The following PRKN variants were observed in gnomAD, a reference collection of about 807,000 sequenced individuals.
PRKN encodes parkin RBR E3 ubiquitin protein ligase.
A neutral mutation model predicts 59.5 loss-of-function variants in PRKN; 56 were observed. The observed-to-expected ratio is 0.94, with a 90% confidence interval of 0.76 to 1.18. The LOEUF (loss-of-function observed/expected upper bound fraction) is 1.18. Ranked by LOEUF, PRKN falls within the 50% of genes most tolerant of loss-of-function variation. The pLI, the probability that PRKN is intolerant of heterozygous loss-of-function variation, is 0.00. For missense variants in PRKN, 657 were observed against 596.4 expected (o/e 1.10, Z -1.06); for synonymous variants, 250 against 222.1 (o/e 1.13, Z -1.12).
intron 7 of PRKN, among the ~76,000 whole-genome samples, chr6:161,752,815 G>T (rs953353059): frequency 6.6e-6 from 1 of 152,182 alleles, no homozygotes; most frequent in Non-Finnish European, 1.5e-5. Flanking sequence ...GATACTAGAG[G>T]CTTGGACTAG....
At chr6:161,800,264 A>G (rs9295167) in intron 6 of PRKN, among the ~76,000 whole-genome samples, 4,979 of 152,208 alleles carry the variant, frequency 0.033, 277 homozygotes, top group African/African-American at 0.11. Flanking sequence ...TGTTTGGGGC[A>G]ATCGAGTGCT....
intron 4 of PRKN, among the ~76,000 whole-genome samples, chr6:162,157,071 C>A (rs1193293439): frequency 6.6e-6 from 1 of 151,884 alleles, no homozygotes; most frequent in Non-Finnish European, 1.5e-5. Context: ...TATTTTTAAT[C>A]CTCTTGATAC....
At chr6:162,283,233 A>C (rs1439791005) in intron 2 of PRKN, among the ~76,000 whole-genome samples, 1 of 152,196 alleles carries the variant, frequency 6.6e-6, no homozygotes, top group African/African-American at 2.4e-5. Flanking sequence ...TTTTGAGAAA[A>C]GAAAAATATA....
At chr6:162,190,530 T>A (rs187486205) in intron 4 of PRKN, among the ~76,000 whole-genome samples, 2 of 152,324 alleles carry the variant, frequency 1.3e-5, no homozygotes, top group Admixed American at 1.3e-4. Context: ...TCTCGCCGGG[T>A]GACCCAAGTA....
At chr6:161,614,977 G>C (rs991858269) in intron 7 of PRKN, among the ~76,000 whole-genome samples, 1 of 133,808 alleles carries the variant, frequency 7.5e-6, no homozygotes, top group Non-Finnish European at 1.8e-5. Flanking sequence ...GAGAGAGAGA[G>C]AGAGAGAGAG....
At chr6:161,899,499 G>A (rs1292822481) in intron 6 of PRKN, among the ~76,000 whole-genome samples, 1 of 152,174 alleles carries the variant, frequency 6.6e-6, no homozygotes, top group African/African-American at 2.4e-5. Context: ...AGCCACAGGT[G>A]AAGGGTGTTC....
chr6:162,037,543 G>T (rs1261567611), intron 5 of PRKN, among the ~76,000 whole-genome samples: 1 of 150,284 alleles, frequency 6.7e-6, no homozygotes, highest in African/African-American at 2.4e-5. Context: ...TTTACCCTCT[G>T]CTTTTTTTTT....
intron 1 of PRKN, among the ~76,000 whole-genome samples, chr6:162,519,867 T>C (rs1778016542): frequency 6.6e-6 from 1 of 152,222 alleles, no homozygotes; most frequent in Non-Finnish European, 1.5e-5. Context: ...AAACTATTCA[T>C]GATTTAGATT....
At chr6:161,959,797 A>T (rs1167582589) in intron 6 of PRKN, among the ~76,000 whole-genome samples, 1 of 152,208 alleles carries the variant, frequency 6.6e-6, no homozygotes, top group Admixed American at 6.5e-5. Context: ...TAAAATTTTC[A>T]AAGTGTGTTC....
rs1784427607 is a variant in PRKN at position 161,349,096 on chromosome 6, G to C, written c.*1003C>G. ...AGAGAGTCGGGCGTGTCTTCATTTTGGTAGTTCTGGAAAGGCTCCTCTTTA... is the reference window on the plus strand; with the variant it reads ...AGAGAGTCGGGCGTGTCTTCATTTTCGTAGTTCTGGAAAGGCTCCTCTTTA... On this transcript the variant is annotated 3_prime_UTR_variant, in exon 12 of 12. Transcript: ENST00000366898. This position sits in a 1 kb window ranked among gnomAD's most constrained non-coding sequence, Gnocchi z 5.5. The C allele has an allele frequency of 1.8e-5, 4 of 221,842 alleles. No individual in the cohort carries two copies. The highest frequency in any genetic ancestry group is 1.7e-4 in the Admixed American group (3 of 17,344). 13.7% of individuals were successfully genotyped at this position (221,842 alleles called of 1,614,324 possible). A position where few individuals can be genotyped will look rare whatever the true frequency, so the allele number is the denominator to read the frequency against.
chr6:162,051,008 ATG>A (rs373651681), intron 5 of PRKN, among the ~76,000 whole-genome samples: 36 of 152,256 alleles, frequency 2.4e-4, no homozygotes, highest in East Asian at 1.9e-3. Flanking sequence ...CAAGTCCCAT[ATG>A]TGTTAGGAGT....
chr6:162,011,666 T>C (rs1314973762), intron 5 of PRKN, among the ~76,000 whole-genome samples: 1 of 149,266 alleles, frequency 6.7e-6, no homozygotes, highest in Non-Finnish European at 1.5e-5. Flanking sequence ...TTGATAGCGG[T>C]GTTTGTTCCA....
chr6:162,171,217 C>T lies in PRKN; in HGVS notation c.534+29914G>A, dbSNP rs77842838. On this transcript the variant is annotated intron_variant, in intron 4 of 11. Transcript: ENST00000366898. ...TGAGGATGGTGCACACAGAAAAAAACGTAGGGTCATGGAGAAACTGGAAGG... is the reference window on the plus strand; with the variant it reads ...TGAGGATGGTGCACACAGAAAAAAATGTAGGGTCATGGAGAAACTGGAAGG... Among the ~76,000 whole-genome samples the T allele has an allele frequency of 7.1e-3, 1,078 of 151,852 alleles. 8 individuals carry two copies. Among genetic ancestry groups the T allele is most frequent in the African/African-American group, 0.025 (1,017 of 41,386 alleles).
chr6:161,926,281 C>G (rs566958908), intron 6 of PRKN, among the ~76,000 whole-genome samples: 28 of 152,218 alleles, frequency 1.8e-4, no homozygotes, highest in African/African-American at 6.5e-4. Context: ...ATACGCAGGT[C>G]AAGACCTGGG....
intron 6 of PRKN, among the ~76,000 whole-genome samples, chr6:161,926,182 G>A (rs1381806976): frequency 1.3e-5 from 2 of 152,148 alleles, no homozygotes; most frequent in South Asian, 2.1e-4. Flanking sequence ...CTGCCACTTC[G>A]TTCTTGACCT....
intron 7 of PRKN, among the ~76,000 whole-genome samples, chr6:161,661,676 C>A (rs1192395113): frequency 6.6e-6 from 1 of 152,124 alleles, no homozygotes; most frequent in Non-Finnish European, 1.5e-5. Context: ...CTGTATACAG[C>A]CACATCATCA....
At chr6:162,713,185 G>A (rs997943265) in intron 1 of PRKN, among the ~76,000 whole-genome samples, 4 of 152,174 alleles carry the variant, frequency 2.6e-5, no homozygotes, top group Non-Finnish European at 5.9e-5. Context: ...GTGGAAGAAT[G>A]GCAAGAAACT....
intron 1 of PRKN, among the ~76,000 whole-genome samples, chr6:162,538,340 T>C (rs1342014701): frequency 6.6e-6 from 1 of 152,106 alleles, no homozygotes. Flanking sequence ...GAGGTTGCAC[T>C]GAGCTGAGAT....
chr6:161,689,552 C>T (rs1048913144), intron 7 of PRKN, among the ~76,000 whole-genome samples: 4 of 152,046 alleles, frequency 2.6e-5, no homozygotes, highest in Admixed American at 6.5e-5. Context: ...GAACAGTGGG[C>T]GCATCTTGCT....
Sources: allele counts gnomAD v4.1 joint callset (sites outside exome capture counted in the v4.1 genomes callset), GRCh38; gene constraint gnomAD v4.1.1; non-coding constraint Gnocchi (gnomAD v3.1); transcripts MANE v1.5; gene names NCBI Gene and HGNC (gene_info 2026-07-23, HGNC 2026-07-21).